OBSL1: variants seen among roughly 807,000 people sequenced by gnomAD.
OBSL1 encodes the protein obscurin-like protein 1.
A neutral mutation model predicts 172.0 loss-of-function variants in OBSL1; 160 were observed. The observed-to-expected ratio is 0.93, with a 90% CI of 0.82 to 1.06. The LOEUF is 1.06. Among genes scored for constraint, OBSL1 ranks in the 50% least tolerant of loss-of-function variants. OBSL1 has a pLI of 0.00. For missense variants in OBSL1, 2,681 were observed against 2,715.4 expected, an observed-to-expected ratio of 0.99 and a Z score of 0.28; for synonymous variants, 1,200 against 1,196.3, an observed-to-expected ratio of 1.00 and a Z score of -0.06.
chr2:219,568,224 C>T lies in OBSL1; in HGVS notation c.1113G>A (p.Thr371=), dbSNP rs754931305. 72 of 1,613,508 alleles carry T rather than the reference C, an allele frequency of 4.5e-5. No individual in the cohort carries two copies. The African/African-American group carries it at 8.3e-4, about 19-fold the overall frequency. The stretch of plus-strand genomic sequence containing the variant: ...GCCGCTGGTCCTCACGGAACCAGGC[C>T]GTGGGGATGCGGGAGTTGGGTACTT... ...ECKVPNSRIP[T]AWFREDQRLL... Residue 371 remains threonine, a synonymous_variant, in exon 2 of 21, where the codon ACG becomes ACA. Coordinates refer to ENST00000404537, the MANE Select transcript of OBSL1 (RefSeq NM_015311.3). The surrounding 1 kb of genome is among the most constrained non-coding windows in gnomAD (Gnocchi z 4.1).
chr2:219,552,001 G>C lies in OBSL1; in HGVS notation c.5413+111C>G, dbSNP rs145602976. 7,810 of 1,164,708 alleles carry C rather than the reference G, an allele frequency of 6.7e-3. 32 individuals are homozygous for C. Among genetic ancestry groups the C allele is most frequent in the Non-Finnish European group, 7.9e-3 (6,341 of 800,280 alleles). The allele number at this position is 1,164,708 out of a possible 1,614,324, so 72.1% of individuals were successfully genotyped here. A position where few individuals can be genotyped will look rare whatever the true frequency, so the allele number is the denominator to read the frequency against. Reference sequence around the variant, plus strand: ...TGACCCGGCCCAGGAGAGCCCCTCGGGGGGAAGGGAAGAGAGAGGCAGCGT... The same window carrying C: ...TGACCCGGCCCAGGAGAGCCCCTCGCGGGGAAGGGAAGAGAGAGGCAGCGT... On this transcript the variant is annotated intron_variant, in intron 19 of 20. Transcript: ENST00000404537.
At position 219,571,263 on chromosome 2, in the gene OBSL1, G is replaced by A. The variant is rs1198575371; in HGVS notation, c.-31C>T. The A allele has an allele frequency of 3.7e-5, 46 of 1,226,828 alleles. No homozygotes were observed. Among genetic ancestry groups the A allele is most frequent in the Non-Finnish European group, 4.1e-5 (40 of 964,852 alleles). The allele number at this position is 1,226,828 out of a possible 1,614,324, so 76.0% of individuals were successfully genotyped here. A position where few individuals can be genotyped will look rare whatever the true frequency, so the allele number is the denominator to read the frequency against. On this transcript the variant is annotated 5_prime_UTR_variant, in exon 1 of 21. Transcript: ENST00000404537. ...CGGCCGACCGCCTGCAGCGGCGAAC[G>A]GTGGGGGGGCAGGGGGGGGTGCGGA...
rs750084343 is a variant in OBSL1, at chr2:219,559,317, C to T, written c.3134G>A (p.Arg1045His). 22 of 1,613,844 alleles carry T rather than the reference C, an allele frequency of 1.4e-5. 1 individual carries two copies. Among genetic ancestry groups the T allele is most frequent in the Middle Eastern group, 1.6e-4 (1 of 6,084 alleles). ...LVLERDGPRC[R>H]LVLPAAQPED... ...GGGCTGAGCAGCAGGTAGCACCAGGCGGCAGCGTGGCCCATCCCTCTCCAG... is the reference window on the plus strand; with the variant it reads ...GGGCTGAGCAGCAGGTAGCACCAGGTGGCAGCGTGGCCCATCCCTCTCCAG... The change falls in exon 9 of 21, where the codon CGC (arginine) becomes CAC (histidine). Residue 1045 changes from arginine to histidine, a missense_variant. Arg to His is a conservative substitution (Grantham distance 29). Around this residue, in one of 5 missense-constraint regions of OBSL1, gnomAD observed 1,765 missense variants for 1,748.3 expected, o/e 1.01. Coordinates refer to ENST00000404537, the MANE Select transcript of OBSL1 (RefSeq NM_015311.3).
At position 219,552,699 on chromosome 2, in the gene OBSL1, T is replaced by TGGGGCGGAGCCC. The variant is rs1485067642; in HGVS notation, c.5147-14_5147-3dup. The stretch of plus-strand genomic sequence containing the variant: ...CGGAGAGTACCGCCACAGTACGCTC[T>TGGGGCGGAGCCC]GGGGCGGAGCCCGGGGCGTGAGCGG... On this transcript the variant is annotated splice_region_variant and splice_polypyrimidine_tract_variant and intron_variant, in intron 17 of 20. Transcript: ENST00000404537. The TGGGGCGGAGCCC allele has an allele frequency of 1.3e-5, 20 of 1,520,974 alleles. No homozygotes were observed. The Admixed American group carries it at 3.8e-4, about 29-fold the overall frequency. The allele number at this position is 1,520,974 out of a possible 1,614,324, so 94.2% of individuals were successfully genotyped here. A position where few individuals can be genotyped will look rare whatever the true frequency, so the allele number is the denominator to read the frequency against.
Position 219,557,244 on chromosome 2 carries a change from A to C in OBSL1, c.4066+99T>G, listed in dbSNP as rs1574535413. On this transcript the variant is annotated intron_variant, in intron 12 of 20. Transcript: ENST00000404537. Reference sequence around the variant, plus strand: ...TCATGCACGCACTGGTTGGAGCCAGAAGCAGCAAAGCGGGGGTGGAGGAGT... The same window carrying C: ...TCATGCACGCACTGGTTGGAGCCAGCAGCAGCAAAGCGGGGGTGGAGGAGT... 18 of 1,239,204 alleles carry C rather than the reference A, an allele frequency of 1.5e-5. No individual in the cohort carries two copies. In the South Asian group the frequency reaches 2.2e-4, roughly 15 times the overall value. The allele number at this position is 1,239,204 out of a possible 1,614,324, so 76.8% of individuals were successfully genotyped here. A position where few individuals can be genotyped will look rare whatever the true frequency, so the allele number is the denominator to read the frequency against.
downstream of OBSL1, chr2:219,547,752 C>CACCCTACTACCAGCCAGGCTCCGT: frequency 6.3e-7 from 1 of 1,594,564 alleles, no homozygotes. Flanking sequence ...CTGGGCTCCG[C>CACCCTACTACCAGCCAGGCTCCGT]ACCCTACTAC....
downstream of OBSL1, chr2:219,547,646 G>A (rs757715009): frequency 7.9e-6 from 12 of 1,528,090 alleles, no homozygotes; most frequent in East Asian, 2.3e-5. Flanking sequence ...TCTGGGCATC[G>A]GGCTGCTCTG....
downstream of OBSL1, chr2:219,549,247 G>A: frequency 6.2e-7 from 1 of 1,613,944 alleles, no homozygotes; most frequent in South Asian, 1.1e-5. Flanking sequence ...ACCTCCTCGG[G>A]CTCCCCTCAG....
intron 12 of OBSL1, chr2:219,556,948 C>T (rs764345102): frequency 1.8e-6 from 1 of 540,884 alleles, no homozygotes; most frequent in Non-Finnish European, 3.2e-6. Flanking sequence ...ACCTTGGTGG[C>T]ACCCTAATAA....
At position 219,562,465 on chromosome 2, in the gene OBSL1, C is replaced by T; in HGVS notation, c.2890G>A (p.Asp964Asn). 6.2e-7 allele frequency: 1 copy of T among 1,614,028 alleles called. No individual in the cohort carries two copies. Among genetic ancestry groups the T allele is most frequent in the Non-Finnish European group, 8.5e-7 (1 of 1,179,898 alleles). Residue 964 changes from aspartate to asparagine, a missense_variant, in exon 8 of 21, where the codon GAC (aspartate) becomes AAC (asparagine). Asp to Asn is a conservative substitution (Grantham distance 23). Transcript: ENST00000404537. ...ATTTCACACAAGTACTCGCCGGAGT[C>T]CTCGAGCTGGACAGCGGGCAGCACC... ...RLVLPAVQLE[D>N]SGEYLCEIDD... is the part of the protein sequence containing the mutation.
rs1294904242 is a variant in OBSL1, at chr2:219,570,681, G to C, written c.552C>G (p.Ala184=). The change falls in exon 1 of 21, where the codon GCC becomes GCG. Residue 184 remains alanine, a synonymous_variant. Transcript: ENST00000404537. ...CCAGGCTCGCGCCGGGGCCGTCCTC[G>C]GCGCGGCCCGGCTGGAGCGCGAAGT... is the stretch of plus-strand genomic sequence containing the variant. ...SSHFALQPGR[A]EDGPGASLAL... is the part of the protein sequence containing the mutation. The C allele has an allele frequency of 2.7e-6, 4 of 1,507,878 alleles. No homozygotes were observed. Among genetic ancestry groups the C allele is most frequent in the Non-Finnish European group, 3.5e-6 (4 of 1,134,384 alleles). 93.4% of individuals were successfully genotyped at this position (1,507,878 alleles called of 1,614,324 possible).
chr2:219,557,779 AG>A lies in OBSL1; in HGVS notation c.3790+43del, dbSNP rs559123134. The A allele has an allele frequency of 8.7e-3, 13,663 of 1,562,774 alleles. 80 individuals carry two copies. The highest frequency in any genetic ancestry group is 0.01 in the Non-Finnish European group (12,013 of 1,163,874). On this transcript the variant is annotated intron_variant, in intron 11 of 20. Coordinates refer to ENST00000404537, the MANE Select transcript of OBSL1 (RefSeq NM_015311.3). ...CCGCAGAGTTTGGGGTGCCACTCTC[AG>A]GCTTGGTGCCACTCTCAGGCTTAAT... is the stretch of plus-strand genomic sequence containing the variant.
At chr2:219,549,067 G>A (rs1312146740), downstream of OBSL1, 4 of 1,495,496 alleles carry the variant, frequency 2.7e-6, no homozygotes, top group Admixed American at 5.3e-5. Flanking sequence ...GAAGCCTAGA[G>A]CCACAGGTGG....
intron 19 of OBSL1, among the ~76,000 whole-genome samples, 152 bp from the exon 20 acceptor site, chr2:219,551,950 T>G (rs1357525837): frequency 6.6e-6 from 1 of 152,244 alleles, no homozygotes; most frequent in Non-Finnish European, 1.5e-5. Flanking sequence ...AAGTCTCCTC[T>G]TGCCGGGGAA....
chr2:219,565,239 G>C lies in OBSL1; in HGVS notation c.2407+3C>G, dbSNP rs370802978. 9 of 1,605,528 alleles carry C rather than the reference G, an allele frequency of 5.6e-6. No individual in the cohort carries two copies. In the African/African-American group the frequency reaches 9.4e-5, roughly 17 times the overall value. ...AGGAGCCCAGGCTGGCATGCTTCCT[G>C]ACCTTGGACAGTGACGCCGAAGAAG... On this transcript the variant is annotated splice_donor_region_variant and intron_variant, in intron 6 of 20. Transcript: ENST00000404537.
At position 219,551,680 on chromosome 2, in the gene OBSL1, C is replaced by CT; in HGVS notation, c.5531dup (p.Ala1846GlyfsTer8). 6.2e-7 allele frequency: 1 copy of CT among 1,611,176 alleles called. No homozygotes were observed. The highest frequency in any genetic ancestry group is 8.5e-7 in the Non-Finnish European group (1 of 1,179,292). On this transcript the variant is annotated frameshift_variant, in exon 20 of 21. Transcript: ENST00000404537. LOFTEE classifies it high-confidence loss of function. The stretch of plus-strand genomic sequence containing the variant: ...TATCTCCCGGGCACAGCTCGGCCCC[C>CT]TCCCGCAGCCAGCACACGTGGCCCC...
chr2:219,547,463 G>C (rs1322156032), downstream of OBSL1: 3 of 1,387,288 alleles, frequency 2.2e-6, no homozygotes, highest in Non-Finnish European at 2.8e-6. Context: ...CTCCAGCCTG[G>C]TGCCCTCATC....
chr2:219,561,149 G>A (rs919605780), intron 8 of OBSL1, among the ~76,000 whole-genome samples: 1 of 152,140 alleles, frequency 6.6e-6, no homozygotes, highest in Non-Finnish European at 1.5e-5. Context: ...TAGCTGGGGT[G>A]CAAGGAGCAG....
intron 16 of OBSL1, among the ~76,000 whole-genome samples, chr2:219,553,327 A>AT (rs1395354085): frequency 6.6e-6 from 1 of 152,152 alleles, no homozygotes; most frequent in Non-Finnish European, 1.5e-5. Flanking sequence ...CTGGATTCGA[A>AT]TATGGGCTCT....
Sources: allele counts gnomAD v4.1 joint callset (sites outside exome capture counted in the v4.1 genomes callset), GRCh38; gene constraint gnomAD v4.1.1; regional missense constraint gnomAD v4.1.1; non-coding constraint Gnocchi (gnomAD v3.1); transcripts MANE v1.5; gene names NCBI Gene and HGNC (gene_info 2026-07-23, HGNC 2026-07-21).